Variants in POGZ observed in about 807,000 individuals in gnomAD.
POGZ encodes pogo transposable element with ZNF domain.
A neutral mutation model predicts 134.6 loss-of-function variants in POGZ; 17 were observed. The observed-to-expected ratio is 0.13, with a 90% confidence interval of 0.09 to 0.19. The LOEUF (loss-of-function observed/expected upper bound fraction) is 0.19, where lower values mean the gene tolerates loss of function less well. POGZ is among the 10% of genes least tolerant of loss of function. POGZ has a pLI of 1.00. For synonymous variants in POGZ, 693 were observed against 657.1 expected, an observed-to-expected ratio of 1.05 and a Z score of -0.84; for missense variants, 1,306 against 1,769.7, an observed-to-expected ratio of 0.74 and a Z score of 4.70.
chr1:151,437,031 TA>T (rs1308677708), intron 3 of POGZ, among the ~76,000 whole-genome samples: 1 of 152,010 alleles, frequency 6.6e-6, no homozygotes, highest in Admixed American at 6.6e-5. Context: ...CTGTCTCTGC[TA>T]AAAATACAAA....
Position 151,406,880 on chromosome 1 carries a change from T to G in POGZ, c.2545+31A>C, listed in dbSNP as rs528084332. 90 of 1,526,826 alleles carry G rather than the reference T, an allele frequency of 5.9e-5. No homozygotes were observed. In the East Asian group the frequency reaches 2.0e-3, roughly 34 times the overall value. The allele number at this position is 1,526,826 out of a possible 1,614,324, so 94.6% of individuals were successfully genotyped here. ...GAACCTGTATCTTTTTTCCTCCCCTTGCTCAACTAATCCCCTTCTCTCCTA... is the reference window on the plus strand; with the variant it reads ...GAACCTGTATCTTTTTTCCTCCCCTGGCTCAACTAATCCCCTTCTCTCCTA... On this transcript the variant is annotated intron_variant, in intron 17 of 18. Transcript: ENST00000271715.
intron 1 of POGZ, among the ~76,000 whole-genome samples, chr1:151,458,417 C>T (rs562067165): frequency 2.2e-4 from 34 of 152,166 alleles, no homozygotes; most frequent in African/African-American, 8.2e-4. Flanking sequence ...GAGGAGACTT[C>T]GTAAACTAGC....
intron 13 of POGZ, 33 bp downstream of exon 13, chr1:151,408,661 T>C (rs1000166345): frequency 6.2e-7 from 1 of 1,610,140 alleles, no homozygotes; most frequent in Admixed American, 1.7e-5. Context: ...CCTCCCTCCC[T>C]GGGCCTATAA....
intron 3 of POGZ, among the ~76,000 whole-genome samples, chr1:151,435,376 T>C (rs909711457): frequency 4.6e-5 from 7 of 152,342 alleles, no homozygotes; most frequent in African/African-American, 1.4e-4. Context: ...AATGTTTCTT[T>C]CCTGTGCAAA....
intron 1 of POGZ, among the ~76,000 whole-genome samples, chr1:151,457,332 G>C (rs1026960992): frequency 1.3e-5 from 2 of 152,184 alleles, no homozygotes; most frequent in African/African-American, 4.8e-5. Flanking sequence ...AATTCTCAAT[G>C]TAGTGGTTAC....
intron 7 of POGZ, chr1:151,426,545 A>T (rs1657816199): frequency 6.6e-6 from 1 of 152,148 alleles, no homozygotes; most frequent in South Asian, 2.1e-4. Flanking sequence ...TGAACTGCAC[A>T]AATTCTTTAT....
At chr1:151,440,863 T>G in intron 3 of POGZ, 65 bp downstream of exon 3, 17 of 1,412,270 alleles carry the variant, frequency 1.2e-5, no homozygotes, top group Non-Finnish European at 1.7e-5. Context: ...GGGCTGTCCC[T>G]GAGACCTTTT....
intron 10 of POGZ, among the ~76,000 whole-genome samples, chr1:151,414,129 G>T (rs1352646468): frequency 6.6e-6 from 1 of 152,188 alleles, no homozygotes; most frequent in Non-Finnish European, 1.5e-5. Context: ...ACATATAAAA[G>T]CTGAATTGTC....
intron 12 of POGZ, among the ~76,000 whole-genome samples, chr1:151,409,961 T>C (rs1654381087): frequency 6.6e-6 from 1 of 152,234 alleles, no homozygotes; most frequent in South Asian, 2.1e-4. Context: ...TCCATGCCCC[T>C]ATTTGGAAAT....
At chr1:151,458,971 G>A (rs1289504812) in intron 1 of POGZ, among the ~76,000 whole-genome samples, 181 bp downstream of exon 1, 1 of 144,328 alleles carries the variant, frequency 6.9e-6, no homozygotes, top group Non-Finnish European at 1.5e-5. Flanking sequence ...CCCTGCCGCG[G>A]GCCGCGCCGC....
At position 151,404,727 on chromosome 1, in the gene POGZ, C is replaced by T. The variant is rs549332677; in HGVS notation, c.*75G>A. The T allele has an allele frequency of 1.3e-6, 2 of 1,496,734 alleles. No individual in the cohort carries two copies. Among genetic ancestry groups the T allele is most frequent in the East Asian group, 2.3e-5 (1 of 43,514 alleles). 92.7% of individuals were successfully genotyped at this position (1,496,734 alleles called of 1,614,324 possible). The stretch of plus-strand genomic sequence containing the variant: ...AACCAAATACCCCACCTGGTATGCC[C>T]CCTTTTCCCTAAGCCCCTTTACCCT... On this transcript the variant is annotated 3_prime_UTR_variant, in exon 19 of 19. Transcript: ENST00000271715.
chr1:151,414,447 C>T (rs1231694602), intron 10 of POGZ, among the ~76,000 whole-genome samples: 1 of 152,194 alleles, frequency 6.6e-6, no homozygotes, highest in African/African-American at 2.4e-5. Flanking sequence ...ATAATAAAAA[C>T]ACTTATTAAG....
chr1:151,426,724 T>C (rs1657852092), intron 7 of POGZ: 1 of 152,208 alleles, frequency 6.6e-6, no homozygotes, highest in Non-Finnish European at 1.5e-5. Context: ...TGGTGTCATA[T>C]CCAAGAAATA....
intron 1 of POGZ, among the ~76,000 whole-genome samples, chr1:151,446,481 C>T (rs1353004821): frequency 1.3e-5 from 2 of 152,052 alleles, no homozygotes; most frequent in Admixed American, 6.6e-5. Flanking sequence ...AACGGCCGGG[C>T]GCGGTTGCTC....
At chr1:151,422,695 G>A (rs1053087807) in intron 10 of POGZ, among the ~76,000 whole-genome samples, 7 of 152,122 alleles carry the variant, frequency 4.6e-5, no homozygotes, top group Middle Eastern at 3.4e-3. Context: ...GGGTTCAAGC[G>A]ATTCTCCTGT....
intron 7 of POGZ, 78 bp from the exon 8 acceptor site, chr1:151,425,139 A>G (rs1369527160): frequency 1.3e-6 from 1 of 745,462 alleles, no homozygotes; most frequent in East Asian, 2.7e-5. Context: ...GGAAAAAGTC[A>G]AACACTCCCT....
Position 151,403,764 on chromosome 1 carries a change from C to A in POGZ, c.*1038G>T, listed in dbSNP as rs575904611. The A allele has an allele frequency of 3.0e-6, 3 of 985,520 alleles. No homozygotes were observed. In the South Asian group the frequency reaches 1.4e-4, roughly 46 times the overall value. 61.0% of individuals were successfully genotyped at this position (985,520 alleles called of 1,614,324 possible). A position where few individuals can be genotyped will look rare whatever the true frequency, so the allele number is the denominator to read the frequency against. ...GGTCTTGTCTTTTTAAAGTTCAACA[C>A]TTCTTGAACAATTAGCTCCTGGCTG... is the stretch of plus-strand genomic sequence containing the variant. On this transcript the variant is annotated 3_prime_UTR_variant, in exon 19 of 19. Transcript: ENST00000271715.
In POGZ at chr1:151,404,824, T is replaced by G; in HGVS notation, c.4211A>C (p.Asp1404Ala). The change falls in exon 19 of 19, where the codon GAC becomes GCC. Residue 1404 changes from aspartate (D) to alanine (A), a missense_variant. Asp to Ala is a moderately radical substitution (Grantham distance 126). This residue lies in a region of POGZ where 107 missense variants were observed against 97.9 expected (regional missense o/e 1.09). Transcript: ENST00000271715. ...TESFYGFEEA[D>A]LDLMEI ...CACTCAAATCTCCATCAGATCTAGG[T>G]CAGCTTCTTCAAAGCCATAGAAAGA... 1 of 1,609,726 alleles carries G rather than the reference T, an allele frequency of 6.2e-7. No homozygotes were observed. Among genetic ancestry groups the G allele is most frequent in the Non-Finnish European group, 8.5e-7 (1 of 1,177,954 alleles).
At chr1:151,432,802 A>G (rs1367076192) in intron 3 of POGZ, among the ~76,000 whole-genome samples, 2 of 152,214 alleles carry the variant, frequency 1.3e-5, no homozygotes, top group African/African-American at 4.8e-5. Flanking sequence ...TCATACCAAC[A>G]TAACTCCTGA....
Sources: gnomAD v4.1 joint callset for allele counts (sites outside exome capture counted in the v4.1 genomes callset) on GRCh38, gnomAD v4.1.1 for gene constraint, gnomAD v4.1.1 regional missense constraint, MANE v1.5 for transcripts, NCBI Gene and HGNC (gene_info 2026-07-23, HGNC 2026-07-21) for gene names.